LONRF3: variants seen among roughly 807,000 people sequenced by gnomAD.
LONRF3 encodes the protein LON peptidase N-terminal domain and RING finger protein 3.
A neutral mutation model predicts 51.7 loss-of-function variants in LONRF3; 19 were observed. The ratio of observed to expected loss-of-function variants is 0.37; its 90% CI spans 0.26 to 0.54. The LOEUF (loss-of-function observed/expected upper bound fraction) is 0.54, where lower values mean the gene tolerates loss of function less well. Among genes scored for constraint, LONRF3 ranks in the 20% least tolerant of loss-of-function variants. LONRF3 has a pLI of 0.86. For missense variants in LONRF3, 521 were observed against 623.9 expected (o/e 0.84, Z 1.76); for synonymous variants, 265 against 257.8 (o/e 1.03, Z -0.27).
At chrX:118,996,012 T>C (rs951578484) in intron 5 of LONRF3, among the ~76,000 whole-genome samples, 3 of 111,932 alleles carry the variant, frequency 2.7e-5, no homozygotes, top group African/African-American at 9.7e-5. Flanking sequence ...ATCACCCTAA[T>C]AACAAAACCA....
chrX:119,006,235 G>A lies in LONRF3; in HGVS notation c.1530G>A (p.Gln510=), dbSNP rs1363965829. The change falls in exon 6 of 11, where the codon CAG becomes CAA. Residue 510 remains glutamine, a splice_region_variant and synonymous_variant. Coordinates refer to ENST00000371628, the MANE Select transcript of LONRF3 (RefSeq NM_001031855.3). The stretch of plus-strand genomic sequence containing the variant: ...CATTGTGCAAAGACGGTCTTTCACA[G>A]GTAAATCAATATTTCTTTCTTGTTT... ...KCPLCKDGLS[Q]CLASRKYSKN... 4.5e-6 allele frequency: 5 copies of A among 1,099,528 alleles called. No individual in the cohort carries two copies. Among genetic ancestry groups the A allele is most frequent in the African/African-American group, 3.7e-5 (2 of 54,699 alleles). The allele number at this position is 1,099,528 out of a possible 1,213,427, so 90.6% of individuals were successfully genotyped here.
rs35356301 is a variant in LONRF3 at position 118,986,051 on chromosome X, A to AACAC, written c.1059+3156_1059+3159dup. Among the ~76,000 whole-genome samples the AACAC allele has an allele frequency of 6.2e-3, 518 of 83,848 alleles. 3 individuals carry two copies. Among genetic ancestry groups the AACAC allele is most frequent in the African/African-American group, 8.4e-3 (190 of 22,504 alleles). 72.8% of individuals were successfully genotyped at this position (83,848 alleles called of 115,157 possible). On this transcript the variant is annotated intron_variant, in intron 3 of 10. Transcript: ENST00000371628. ...TGTGTTACATGTTTCAGTATATGGA[A>AACAC]ACACACACACACACACACACACACA... is the stretch of plus-strand genomic sequence containing the variant.
intron 5 of LONRF3, among the ~76,000 whole-genome samples, chrX:118,992,131 C>T (rs1035003776): frequency 1.8e-5 from 2 of 111,667 alleles, no homozygotes; most frequent in East Asian, 2.8e-4. Context: ...GCGGGTCCTG[C>T]GGGGAGGGCT....
intron 6 of LONRF3, among the ~76,000 whole-genome samples, chrX:119,006,789 C>T (rs1466603914): frequency 9.0e-6 from 1 of 111,431 alleles, no homozygotes; most frequent in African/African-American, 3.3e-5. Context: ...GGGGTTTCAC[C>T]GTGTTAACCA....
intron 10 of LONRF3, among the ~76,000 whole-genome samples, chrX:119,015,398 C>T (rs1378120601): frequency 8.9e-6 from 1 of 111,914 alleles, no homozygotes; most frequent in Admixed American, 9.4e-5. Context: ...CTCTTGCATT[C>T]TGAGGTTCTA....
chrX:118,987,445 G>GTTTTTTTTTTTTTTTT lies in LONRF3; in HGVS notation c.1060-1950_1060-1935dup, dbSNP rs369180848. Among the ~76,000 whole-genome samples the GTTTTTTTTTTTTTTTT allele has an allele frequency of 1.2e-4, 4 of 32,304 alleles. 1 individual carries two copies. The highest frequency in any genetic ancestry group is 6.2e-4 in the African/African-American group (4 of 6,473). The allele number at this position is 32,304 out of a possible 115,157, so 28.1% of individuals were successfully genotyped here. ...GGCACGTGCCACCATGCCTGGCTAA[G>GTTTTTTTTTTTTTTTT]TTTTTTTTTTTTTTTTTTTTTTTTT... On this transcript the variant is annotated intron_variant, in intron 3 of 10. Transcript: ENST00000371628.
intron 9 of LONRF3, among the ~76,000 whole-genome samples, chrX:119,013,591 A>T (rs1299925858): frequency 1.8e-5 from 2 of 112,091 alleles, no homozygotes; most frequent in Non-Finnish European, 3.8e-5. Flanking sequence ...ATAGATCCAC[A>T]CATGCATTTG....
chrX:119,007,692 G>T (rs1002956386), intron 6 of LONRF3, among the ~76,000 whole-genome samples: 2 of 111,800 alleles, frequency 1.8e-5, no homozygotes, highest in African/African-American at 6.5e-5. Flanking sequence ...TTAAGGGAAT[G>T]GAGTGAAATC....
Position 119,018,025 on chromosome X carries a change from T to A in LONRF3, c.*335T>A, listed in dbSNP as rs1472055135. On this transcript the variant is annotated 3_prime_UTR_variant, in exon 11 of 11. Coordinates refer to ENST00000371628, the MANE Select transcript of LONRF3 (RefSeq NM_001031855.3). The stretch of plus-strand genomic sequence containing the variant: ...TAATATTCTTTCTTTCATAGATCAA[T>A]GACTGTGTGGTTGAAATGTGAAAAC... The A allele has an allele frequency of 8.0e-5, 11 of 138,333 alleles. No homozygotes were observed. Among genetic ancestry groups the A allele is most frequent in the Non-Finnish European group, 1.3e-4 (9 of 70,812 alleles). 11.4% of individuals were successfully genotyped at this position (138,333 alleles called of 1,213,427 possible). A position where few individuals can be genotyped will look rare whatever the true frequency, so the allele number is the denominator to read the frequency against.
chrX:118,976,227 G>A (rs1227655263), intron 1 of LONRF3: 3 of 113,693 alleles, frequency 2.6e-5, no homozygotes, highest in Non-Finnish European at 5.6e-5. Flanking sequence ...GGTTGCATAA[G>A]GGCCGCGAGC....
At chrX:119,009,752 A>G in intron 7 of LONRF3, among the ~76,000 whole-genome samples, 1 of 111,480 alleles carries the variant, frequency 9.0e-6, no homozygotes, top group Non-Finnish European at 1.9e-5. Context: ...GAATAATTTA[A>G]TAACTTGAGT....
intron 5 of LONRF3, among the ~76,000 whole-genome samples, chrX:118,995,951 A>C (rs1055848748): frequency 8.9e-6 from 1 of 112,116 alleles, no homozygotes; most frequent in African/African-American, 3.2e-5. Context: ...TTTTGACACT[A>C]TTCCACAAGA....
intron 3 of LONRF3, among the ~76,000 whole-genome samples, chrX:118,983,684 TC>T (rs1922740101): frequency 8.9e-6 from 1 of 112,285 alleles, no homozygotes. Flanking sequence ...TAAGTTGGAT[TC>T]TGACAGTTGG....
intron 5 of LONRF3, among the ~76,000 whole-genome samples, chrX:118,997,685 C>T (rs748762524): frequency 8.9e-6 from 1 of 112,527 alleles, no homozygotes; most frequent in South Asian, 3.7e-4. Context: ...GCAGAGTAAA[C>T]AGACAGCCCA....
intron 3 of LONRF3, among the ~76,000 whole-genome samples, chrX:118,986,770 C>T (rs979339957): frequency 2.7e-5 from 3 of 111,514 alleles, no homozygotes; most frequent in African/African-American, 9.8e-5. Context: ...AAGCGAGGAC[C>T]CCTGCCCTGG....
chrX:118,997,736 AG>A (rs1162337796), intron 5 of LONRF3, among the ~76,000 whole-genome samples: 1 of 112,738 alleles, frequency 8.9e-6, no homozygotes, highest in African/African-American at 3.2e-5. Flanking sequence ...CATCTGACAA[AG>A]GACTAATATC....
intron 5 of LONRF3, among the ~76,000 whole-genome samples, chrX:119,000,020 CAG>C (rs1288272728): frequency 8.9e-6 from 1 of 112,293 alleles, no homozygotes; most frequent in African/African-American, 3.2e-5. Context: ...TGGATGTTGA[CAG>C]AGGCTATTTC....
intron 1 of LONRF3, among the ~76,000 whole-genome samples, chrX:118,976,046 A>T (rs1044314782): frequency 8.9e-6 from 1 of 112,278 alleles, no homozygotes; most frequent in Admixed American, 9.3e-5. Context: ...CCCAGCGAGG[A>T]GAGGAACTTC....
chrX:118,990,695 T>C, intron 5 of LONRF3, 135 bp downstream of exon 5: 6 of 490,246 alleles, frequency 1.2e-5, no homozygotes, highest in Non-Finnish European at 1.8e-5. Context: ...ATCACAACGT[T>C]GATTGTCACA....
Sources: gnomAD v4.1 joint callset for allele counts (sites outside exome capture counted in the v4.1 genomes callset) on GRCh38, gnomAD v4.1.1 for gene constraint, MANE v1.5 for transcripts, NCBI Gene and HGNC (gene_info 2026-07-23, HGNC 2026-07-21) for gene names.